Variants in N4BP2L2 observed in about 807,000 individuals in gnomAD.
The protein encoded by N4BP2L2 is NEDD4-binding protein 2-like 2.
N4BP2L2 carries 50 observed loss-of-function variants against 56.2 expected under a neutral mutation model. That is an observed-to-expected ratio of 0.89 (90% CI 0.71 to 1.13). The LOEUF (loss-of-function observed/expected upper bound fraction) is 1.13, where lower values mean the gene tolerates loss of function less well. N4BP2L2 is among the 50% of genes most tolerant of loss of function. The pLI, the probability that N4BP2L2 is intolerant of heterozygous loss-of-function variation, is 0.00. For missense variants in N4BP2L2, 689 were observed against 693.8 expected (o/e 0.99, Z 0.08); for synonymous variants, 203 against 223.6 (o/e 0.91, Z 0.82).
chr13:32,450,447 C>T (rs1265904007), intron 6 of N4BP2L2, among the ~76,000 whole-genome samples: 1 of 151,538 alleles, frequency 6.6e-6, no homozygotes, highest in East Asian at 1.9e-4. Flanking sequence ...GCCTCAGCCT[C>T]CCAAGTAGCT....
At chr13:32,478,079 C>A (rs1191248799) in intron 6 of N4BP2L2, 1 of 1,285,152 alleles carries the variant, frequency 7.8e-7, no homozygotes, top group Non-Finnish European at 1.0e-6. Context: ...ATATTCAGGC[C>A]CAGCTTATAC....
chr13:32,435,358 C>G (rs1183944831), intron 9 of N4BP2L2, among the ~76,000 whole-genome samples: 1 of 152,090 alleles, frequency 6.6e-6, no homozygotes, highest in South Asian at 2.1e-4. Context: ...CTCAGCCTCC[C>G]AAGTAGCTGG....
intron 5 of N4BP2L2, among the ~76,000 whole-genome samples, chr13:32,520,728 G>A (rs548108343): frequency 6.6e-6 from 1 of 152,072 alleles, no homozygotes; most frequent in African/African-American, 2.4e-5. Flanking sequence ...AAGGGAAAAG[G>A]TAAAGATAGG....
chr13:32,450,791 GCT>G (rs2077851050), intron 6 of N4BP2L2, among the ~76,000 whole-genome samples: 1 of 151,426 alleles, frequency 6.6e-6, no homozygotes, highest in Non-Finnish European at 1.5e-5. Flanking sequence ...ACCATGCCTG[GCT>G]CTTTTTCTTT....
chr13:32,454,530 GA>G (rs1161968291), intron 6 of N4BP2L2, among the ~76,000 whole-genome samples: 2 of 151,628 alleles, frequency 1.3e-5, no homozygotes, highest in African/African-American at 2.4e-5. Context: ...CTATACACAG[GA>G]AAAAAAGAAA....
At chr13:32,493,305 C>CAGAACTGAATTTGTGTA (rs2087651269) in intron 6 of N4BP2L2, among the ~76,000 whole-genome samples, 4 of 152,020 alleles carry the variant, frequency 2.6e-5, no homozygotes, top group Non-Finnish European at 5.9e-5. Flanking sequence ...TGATTCAGTT[C>CAGAACTGAATTTGTGTA]TCATGCCTCT....
At position 32,458,230 on chromosome 13, in the gene N4BP2L2, A is replaced by G. The variant is rs896282795; in HGVS notation, c.366-14104T>C. ...CAGGCACCCGCCACCACACCCAGCT[A>G]CTTTTTTGTATTTTTTAGTAGAGAC... On this transcript the variant is annotated intron_variant, in intron 6 of 9. Transcript: ENST00000357505. Among the ~76,000 whole-genome samples the G allele has an allele frequency of 5.3e-5, 8 of 152,136 alleles. 1 individual carries two copies. The East Asian group carries it at 1.5e-3, about 29-fold the overall frequency.
At chr13:32,536,056 A>G (rs757152805) in exon 2 of N4BP2L2, 2 of 1,614,068 alleles carry the variant, frequency 1.2e-6, no homozygotes, top group East Asian at 2.2e-5. Flanking sequence ...AATTCCAGTT[A>G]ACATGACAAT....
chr13:32,440,156 T>G (rs1485447987), intron 7 of N4BP2L2, among the ~76,000 whole-genome samples: 1 of 152,212 alleles, frequency 6.6e-6, no homozygotes, highest in Non-Finnish European at 1.5e-5. Flanking sequence ...TATGACTCCT[T>G]GGCCCTAGGA....
At chr13:32,472,497 C>A (rs984967251) in intron 6 of N4BP2L2, among the ~76,000 whole-genome samples, 1 of 152,150 alleles carries the variant, frequency 6.6e-6, no homozygotes, top group Non-Finnish European at 1.5e-5. Flanking sequence ...GAAGTCTAAA[C>A]AGCTGACCAA....
At chr13:32,437,707 C>T (rs552184901) in intron 8 of N4BP2L2, among the ~76,000 whole-genome samples, 1 of 152,272 alleles carries the variant, frequency 6.6e-6, no homozygotes, top group East Asian at 1.9e-4. Context: ...GTAGCTGTTA[C>T]TCTATCATAA....
intron 9 of N4BP2L2, among the ~76,000 whole-genome samples, chr13:32,433,655 G>A (rs1324259110): frequency 6.7e-6 from 1 of 149,770 alleles, no homozygotes; most frequent in Non-Finnish European, 1.5e-5. Flanking sequence ...GGCTGGGCAC[G>A]GTGGCTCATG....
At chr13:32,465,317 A>C (rs1346367300) in intron 6 of N4BP2L2, among the ~76,000 whole-genome samples, 1 of 152,160 alleles carries the variant, frequency 6.6e-6, no homozygotes, top group East Asian at 1.9e-4. Flanking sequence ...AAAAAGCACA[A>C]TCACTGTGGA....
intron 6 of N4BP2L2, among the ~76,000 whole-genome samples, chr13:32,492,912 TTC>T (rs1360199867): frequency 1.5e-5 from 2 of 133,082 alleles, no homozygotes; most frequent in South Asian, 2.3e-4. Flanking sequence ...TTTGTAGCTT[TTC>T]TGTTTTTTTT....
At chr13:32,450,514 C>T (rs8000768) in intron 6 of N4BP2L2, among the ~76,000 whole-genome samples, 16 of 151,976 alleles carry the variant, frequency 1.1e-4, no homozygotes, top group Admixed American at 9.2e-4. Flanking sequence ...TTAGTAGAGA[C>T]GGGGTTTCAC....
chr13:32,478,714 G>A (rs1430998276), intron 6 of N4BP2L2: 2 of 152,256 alleles, frequency 1.3e-5, no homozygotes, highest in Non-Finnish European at 2.9e-5. Flanking sequence ...GCCACAGAAG[G>A]TCTGAGAATT....
intron 6 of N4BP2L2, among the ~76,000 whole-genome samples, chr13:32,474,940 C>T (rs1284506370): frequency 6.6e-6 from 1 of 152,272 alleles, no homozygotes; most frequent in South Asian, 2.1e-4. Flanking sequence ...ATACCTGTCA[C>T]ATATACCTGT....
chr13:32,456,970 T>C (rs563254034), intron 6 of N4BP2L2, among the ~76,000 whole-genome samples: 1 of 151,860 alleles, frequency 6.6e-6, no homozygotes, highest in African/African-American at 2.4e-5. Flanking sequence ...AAACCCTATC[T>C]CTACTAAAAA....
intron 6 of N4BP2L2, among the ~76,000 whole-genome samples, chr13:32,447,006 T>G (rs1187886535): frequency 6.6e-6 from 1 of 152,188 alleles, no homozygotes; most frequent in Non-Finnish European, 1.5e-5. Context: ...TCCTTAACCA[T>G]TATGCAACAC....
Sources: allele counts gnomAD v4.1 joint callset (sites outside exome capture counted in the v4.1 genomes callset), GRCh38; gene constraint gnomAD v4.1.1; transcripts MANE v1.5; gene names NCBI Gene and HGNC (gene_info 2026-07-23, HGNC 2026-07-21).